Variants in YJU2B observed in about 807,000 individuals in gnomAD.
YJU2B encodes the protein YJU2 splicing factor homolog B.
A neutral mutation model predicts 38.0 loss-of-function variants in YJU2B; 18 were observed. The observed-to-expected ratio is 0.47, with a 90% CI of 0.33 to 0.70. YJU2B has a LOEUF of 0.70. Ranked by LOEUF, YJU2B falls within the 30% of genes least tolerant of loss-of-function variation. YJU2B has a pLI of 0.02. For missense variants in YJU2B, 538 were observed against 556.3 expected, an observed-to-expected ratio of 0.97 and a Z score of 0.33; for synonymous variants, 246 against 225.4, an observed-to-expected ratio of 1.09 and a Z score of -0.82.
chr19:13,753,353 C>T (rs942914986), intron 2 of YJU2B, among the ~76,000 whole-genome samples: 49 of 152,154 alleles, frequency 3.2e-4, no homozygotes, highest in Non-Finnish European at 5.3e-4. Context: ...GTAGGTGGGT[C>T]ACAAGGTCAG....
chr19:13,762,208 G>C (rs1973914321), intron 8 of YJU2B, 91 bp from the exon 9 acceptor site: 1 of 1,433,788 alleles, frequency 7.0e-7, no homozygotes, highest in Non-Finnish European at 9.5e-7. Context: ...GAGTAAATGA[G>C]ACCCCGAGAG....
chr19:13,734,028 AG>A (rs1445305146), intron 2 of YJU2B, among the ~76,000 whole-genome samples: 2 of 152,114 alleles, frequency 1.3e-5, no homozygotes, highest in Non-Finnish European at 2.9e-5. Context: ...CCTGAGCTCA[AG>A]GGATCCTCCC....
chr19:13,743,477 G>A (rs191885807), upstream of YJU2B, among the ~76,000 whole-genome samples: 1 of 150,622 alleles, frequency 6.6e-6, no homozygotes, highest in Admixed American at 6.7e-5. Context: ...CTACTCGGGA[G>A]GCTGAGGCAG....
chr19:13,734,570 G>A (rs1201949286), intron 2 of YJU2B, among the ~76,000 whole-genome samples: 1 of 151,784 alleles, frequency 6.6e-6, no homozygotes, highest in Non-Finnish European at 1.5e-5. Flanking sequence ...GATTACAGGC[G>A]TGAGCCACCG....
Position 13,756,295 on chromosome 19 carries a change from A to T in YJU2B, c.140+16A>T. 1 of 1,607,026 alleles carries T rather than the reference A, an allele frequency of 6.2e-7. No homozygotes were observed. The highest frequency in any genetic ancestry group is 8.5e-7 in the Non-Finnish European group (1 of 1,173,640). On this transcript the variant is annotated intron_variant, in intron 4 of 9. Transcript: ENST00000221554. ...TCATCATCCGGTAAGGCCCAGCATC[A>T]CCTGAGGACCCCACCGTCCTGCCCC...
chr19:13,752,912 C>CAAA (rs36058954), intron 2 of YJU2B, among the ~76,000 whole-genome samples: 17 of 134,218 alleles, frequency 1.3e-4, no homozygotes, highest in African/African-American at 4.2e-4. Context: ...GACTCTGTCT[C>CAAA]AAAAAAAAAA....
In YJU2B at chr19:13,761,726, A is replaced by AAT. The variant is rs755384639; in HGVS notation, c.574-573_574-572insAT. Among the ~76,000 whole-genome samples, 581 of 139,124 alleles carry AAT rather than the reference A, an allele frequency of 4.2e-3. 3 individuals are homozygous for AAT. The highest frequency in any genetic ancestry group is 0.013 in the African/African-American group (510 of 37,848). 91.3% of individuals were successfully genotyped at this position (139,124 alleles called of 152,430 possible). ...TGAGACCCCATCTCTACAAAAAAAA[A>AAT]TTTTTTTTTTTTTTTGAAACAGTCT... is the stretch of plus-strand genomic sequence containing the variant. On this transcript the variant is annotated intron_variant, in intron 8 of 9. Coordinates refer to ENST00000221554, the MANE Select transcript of YJU2B (RefSeq NM_030818.4).
chr19:13,758,126 G>A (rs902839822), intron 6 of YJU2B, among the ~76,000 whole-genome samples: 1 of 151,976 alleles, frequency 6.6e-6, no homozygotes, highest in Non-Finnish European at 1.5e-5. Flanking sequence ...TGGCCTCCTC[G>A]TTGTCCCTCA....
intron 8 of YJU2B, among the ~76,000 whole-genome samples, chr19:13,761,761 C>T (rs1490304281): frequency 8.5e-6 from 1 of 117,950 alleles, no homozygotes; most frequent in Admixed American, 7.7e-5. Flanking sequence ...TCCCCCCTTT[C>T]GCCCTGGCTG....
intron 2 of YJU2B, chr19:13,732,308 C>T (rs960818590): frequency 6.6e-6 from 1 of 152,034 alleles, no homozygotes; most frequent in Non-Finnish European, 1.5e-5. Context: ...TTGTACCTAT[C>T]TCAGCAGAGG....
intron 2 of YJU2B, 28 bp downstream of exon 2, chr19:13,751,839 G>A (rs1239496671): frequency 1.2e-6 from 2 of 1,613,326 alleles, no homozygotes; most frequent in East Asian, 2.2e-5. Flanking sequence ...TGTGCCCTGG[G>A]TTTCTCTCCC....
intron 3 of YJU2B, among the ~76,000 whole-genome samples, chr19:13,755,930 C>T (rs980966643): frequency 1.3e-5 from 2 of 152,142 alleles, no homozygotes; most frequent in Non-Finnish European, 1.5e-5. Flanking sequence ...TGCACTCCAG[C>T]CTGGGCAACA....
intron 1 of YJU2B, 76 bp from the exon 2 acceptor site, chr19:13,751,532 C>T (rs920777014): frequency 1.1e-4 from 52 of 473,274 alleles, no homozygotes; most frequent in Admixed American, 3.7e-5. Context: ...CCGGTGGGGG[C>T]CACAGAGGGA....
intron 2 of YJU2B, among the ~76,000 whole-genome samples, chr19:13,752,899 C>T (rs1439901023): frequency 1.4e-5 from 2 of 145,216 alleles, no homozygotes; most frequent in Non-Finnish European, 3.0e-5. Flanking sequence ...CGTGACAGAG[C>T]AAGACTCTGT....
chr19:13,752,179 T>C (rs992417126), intron 2 of YJU2B, among the ~76,000 whole-genome samples: 1 of 151,922 alleles, frequency 6.6e-6, no homozygotes, highest in Non-Finnish European at 1.5e-5. Flanking sequence ...GGTCTGAAAC[T>C]CCTGACCTCA....
chr19:13,745,757 A>T (rs988986080), upstream of YJU2B, among the ~76,000 whole-genome samples: 2 of 147,282 alleles, frequency 1.4e-5, no homozygotes, highest in African/African-American at 5.0e-5. Context: ...ATATATATAT[A>T]TCAGGAGGAA....
At position 13,759,185 on chromosome 19, in the gene YJU2B, G is replaced by C; in HGVS notation, c.486G>C (p.Ala162=). 1.2e-6 allele frequency: 2 copies of C among 1,613,438 alleles called. No homozygotes were observed. Among genetic ancestry groups the C allele is most frequent in the Non-Finnish European group, 1.7e-6 (2 of 1,179,768 alleles). ...CCGACCGCAGCACACTCAAGAAGGC[G>C]CTGCCCACACTGAGCCACATCCAGG... ...GEADRSTLKK[A]LPTLSHIQEA... The change falls in exon 8 of 10, where the codon GCG becomes GCC. Residue 162 remains alanine, a synonymous_variant. Coordinates refer to ENST00000221554, the MANE Select transcript of YJU2B (RefSeq NM_030818.4).
intron 6 of YJU2B, 83 bp from the exon 7 acceptor site, chr19:13,758,785 G>C: frequency 6.6e-7 from 1 of 1,511,682 alleles, no homozygotes; most frequent in Non-Finnish European, 9.1e-7. Flanking sequence ...ACACCATTGG[G>C]TGGAAGGAAG....
At chr19:13,743,580 G>GAAA (rs35952396), upstream of YJU2B, among the ~76,000 whole-genome samples, 4 of 137,530 alleles carry the variant, frequency 2.9e-5, no homozygotes, top group Non-Finnish European at 4.7e-5. Flanking sequence ...TCAGTCTCAG[G>GAAA]AAAAAAAAAA....
Sources: allele counts gnomAD v4.1 joint callset (sites outside exome capture counted in the v4.1 genomes callset), GRCh38; gene constraint gnomAD v4.1.1; transcripts MANE v1.5; gene names NCBI Gene and HGNC (gene_info 2026-07-23, HGNC 2026-07-21).